ATP10B: variants seen among roughly 807,000 people sequenced by gnomAD.
ATP10B encodes the protein ATPase phospholipid transporting 10B (putative), also known as phospholipid-transporting ATPase VB.
In ATP10B, 122 loss-of-function variants were observed where a neutral mutation model predicts 141.2. The observed-to-expected ratio is 0.86, with a 90% CI of 0.75 to 1.00. The LOEUF (loss-of-function observed/expected upper bound fraction) is 1.00, where lower values mean the gene tolerates loss of function less well. Ranked by LOEUF, ATP10B falls within the 50% of genes least tolerant of loss-of-function variation. The pLI is 0.00. For synonymous variants in ATP10B, 685 were observed against 692.0 expected, an observed-to-expected ratio of 0.99 and a Z score of 0.16; for missense variants, 1,876 against 1,825.3, an observed-to-expected ratio of 1.03 and a Z score of -0.51.
intron 3 of ATP10B, among the ~76,000 whole-genome samples, chr5:160,704,930 T>TTTTTTTTTTTTTTTTTTTTG (rs1764903571): frequency 7.2e-6 from 1 of 139,632 alleles, no homozygotes; most frequent in African/African-American, 2.8e-5. Flanking sequence ...TTTTTTTTTT[T>TTTTTTTTTTTTTTTTTTTTG]TTTTTGTTGA....
rs199550973 is a variant in ATP10B, at chr5:160,726,304, GCA to G, written c.-330-9272_-330-9271del. ...CCAGCCATGTAGGCCCAGAAGAGAAGCACAGACAAGACTATTGTATAACCAAG... is the reference window on the plus strand; with the variant it reads ...CCAGCCATGTAGGCCCAGAAGAGAAGCAGACAAGACTATTGTATAACCAAG... On this transcript the variant is annotated intron_variant, in intron 2 of 25. Coordinates refer to ENST00000327245, the MANE Select transcript of ATP10B (RefSeq NM_025153.3). Among the ~76,000 whole-genome samples the G allele has an allele frequency of 9.6e-4, 146 of 152,308 alleles. 1 individual carries two copies. The East Asian group carries it at 0.02, about 21-fold the overall frequency.
chr5:160,636,041 A>T, intron 11 of ATP10B, 141 bp downstream of exon 11: 2 of 1,010,560 alleles, frequency 2.0e-6, no homozygotes, highest in South Asian at 4.6e-5. Flanking sequence ...TCAAAGACGC[A>T]CAAGAAAGCG....
intron 15 of ATP10B, 59 bp from the exon 16 acceptor site, chr5:160,618,032 C>G: frequency 7.6e-7 from 1 of 1,317,564 alleles, no homozygotes; most frequent in Non-Finnish European, 1.1e-6. Flanking sequence ...GATCCCCATC[C>G]CCAATACCCT....
At chr5:160,650,163 T>C (rs528492026) in intron 7 of ATP10B, among the ~76,000 whole-genome samples, 2 of 150,602 alleles carry the variant, frequency 1.3e-5, no homozygotes, top group South Asian at 2.1e-4. Context: ...TATATATACA[T>C]ATATATACAT....
At chr5:160,739,990 T>C (rs1169734720) in intron 2 of ATP10B, among the ~76,000 whole-genome samples, 1 of 152,178 alleles carries the variant, frequency 6.6e-6, no homozygotes, top group Non-Finnish European at 1.5e-5. Context: ...TTTTCCTTTT[T>C]AAAAAAATAA....
intron 18 of ATP10B, among the ~76,000 whole-genome samples, chr5:160,611,448 C>A (rs751537383): frequency 6.6e-5 from 10 of 152,120 alleles, no homozygotes; most frequent in Non-Finnish European, 2.9e-5. Flanking sequence ...TTCAAGCAAG[C>A]TGAAAATTAC....
At chr5:160,695,475 T>A (rs1764303540) in intron 3 of ATP10B, among the ~76,000 whole-genome samples, 1 of 129,326 alleles carries the variant, frequency 7.7e-6, no homozygotes, top group South Asian at 2.9e-4. Context: ...ACTGTGTGTA[T>A]ATATGCGTGA....
At chr5:160,756,742 A>G (rs777160696) in intron 2 of ATP10B, among the ~76,000 whole-genome samples, 2 of 151,980 alleles carry the variant, frequency 1.3e-5, no homozygotes, top group Non-Finnish European at 2.9e-5. Context: ...TTTATGGGGT[A>G]TCTAGGATGT....
intron 2 of ATP10B, among the ~76,000 whole-genome samples, chr5:160,720,929 C>T (rs1006622029): frequency 7.2e-5 from 11 of 152,222 alleles, no homozygotes; most frequent in African/African-American, 2.4e-4. Context: ...TTGTTGATTA[C>T]ACTGGACTGA....
intron 22 of ATP10B, among the ~76,000 whole-genome samples, chr5:160,597,787 G>T (rs1480157607): frequency 1.3e-5 from 2 of 152,020 alleles, no homozygotes; most frequent in Non-Finnish European, 2.9e-5. Context: ...CAAAAAACAT[G>T]AAAAAATGCT....
chr5:160,924,261 G>A, the ATP10B span, among the ~76,000 whole-genome samples: 1 of 152,234 alleles, frequency 6.6e-6, no homozygotes, highest in Non-Finnish European at 1.5e-5. Flanking sequence ...TGAAGGGCAT[G>A]TGTTTAATCA....
chr5:160,872,177 T>G, the ATP10B span, among the ~76,000 whole-genome samples: 1 of 152,204 alleles, frequency 6.6e-6, no homozygotes, highest in East Asian at 1.9e-4. Flanking sequence ...TATTGGCCAT[T>G]TGTATATCTT....
chr5:160,869,286 C>T, the ATP10B span, among the ~76,000 whole-genome samples: 2 of 151,994 alleles, frequency 1.3e-5, no homozygotes, highest in Admixed American at 1.3e-4. Context: ...TTCATTTTTT[C>T]CCATCAGAAT....
intron 9 of ATP10B, 110 bp downstream of exon 9, chr5:160,644,028 G>A: frequency 2.3e-6 from 2 of 868,642 alleles, no homozygotes; most frequent in Non-Finnish European, 3.8e-6. Flanking sequence ...AGTTACATGA[G>A]TAAATGGGAA....
intron 22 of ATP10B, among the ~76,000 whole-genome samples, chr5:160,595,581 C>CA (rs1240795565): frequency 4.6e-5 from 7 of 152,024 alleles, no homozygotes; most frequent in Admixed American, 4.6e-4. Flanking sequence ...AAAAACCCTT[C>CA]AAAAAATCAA....
intron 9 of ATP10B, 110 bp from the exon 10 acceptor site, chr5:160,640,702 T>C: frequency 1.4e-6 from 2 of 1,423,228 alleles, no homozygotes; most frequent in Non-Finnish European, 1.9e-6. Flanking sequence ...GGCTTCACTC[T>C]TTAACCTGAA....
chr5:160,744,365 C>G (rs547836510), intron 2 of ATP10B, among the ~76,000 whole-genome samples: 1 of 152,192 alleles, frequency 6.6e-6, no homozygotes, highest in Admixed American at 6.5e-5. Context: ...TGGAACAACT[C>G]TCTCCCTTTC....
chr5:160,837,596 T>C (rs991671220), intron 1 of ATP10B, among the ~76,000 whole-genome samples: 4 of 146,620 alleles, frequency 2.7e-5, no homozygotes, highest in African/African-American at 7.5e-5. Flanking sequence ...ACATTTTTAA[T>C]ACTATACTAG....
chr5:160,585,787 A>G (rs1755845535), intron 24 of ATP10B, among the ~76,000 whole-genome samples: 1 of 152,110 alleles, frequency 6.6e-6, no homozygotes, highest in Non-Finnish European at 1.5e-5. Context: ...GTTCCCAGAA[A>G]GTCTGCAGTT....
Sources: allele counts gnomAD v4.1 joint callset (sites outside exome capture counted in the v4.1 genomes callset), GRCh38; gene constraint gnomAD v4.1.1; transcripts MANE v1.5; gene names NCBI Gene and HGNC (gene_info 2026-07-23, HGNC 2026-07-21).